The following GABBR2 variants were observed in gnomAD, a reference collection of about 807,000 sequenced individuals.
GABBR2 encodes G-protein coupled receptor 51.
In GABBR2, 23 loss-of-function variants were observed where a neutral mutation model predicts 105.6. The observed-to-expected ratio is 0.22, with a 90% CI of 0.16 to 0.31. The LOEUF is 0.31. Among genes scored for constraint, GABBR2 ranks in the 10% least tolerant of loss-of-function variants. GABBR2 has a pLI of 1.00. For synonymous variants in GABBR2, 478 were observed against 499.7 expected (o/e 0.96, Z 0.58); for missense variants, 734 against 1,245.5 (o/e 0.59, Z 6.18).
chr9:98,427,663 G>C (rs1277072921), intron 7 of GABBR2, among the ~76,000 whole-genome samples: 1 of 152,114 alleles, frequency 6.6e-6, no homozygotes, highest in Non-Finnish European at 1.5e-5. Flanking sequence ...TCCAAGAGTA[G>C]GTCATAAAAA....
At chr9:98,477,007 A>G (rs992437800) in intron 5 of GABBR2, among the ~76,000 whole-genome samples, 4 of 152,296 alleles carry the variant, frequency 2.6e-5, no homozygotes, top group East Asian at 1.9e-4. Flanking sequence ...ACTCCATTGC[A>G]GTATTCCTAT....
intron 13 of GABBR2, among the ~76,000 whole-genome samples, chr9:98,322,592 C>A (rs1588101056): frequency 1.5e-5 from 2 of 131,360 alleles, no homozygotes; most frequent in East Asian, 5.2e-4. Context: ...TCCCATCCCC[C>A]TCCATGATCT....
intron 1 of GABBR2, among the ~76,000 whole-genome samples, chr9:98,605,782 A>AT (rs540381641): frequency 2.0e-5 from 3 of 152,138 alleles, no homozygotes; most frequent in South Asian, 2.1e-4. Flanking sequence ...TCATGTGAGG[A>AT]TTTTTTTTAT....
chr9:98,581,051 G>A (rs528640347), intron 1 of GABBR2: 1 of 152,396 alleles, frequency 6.6e-6, no homozygotes, highest in South Asian at 2.1e-4. Flanking sequence ...GACTCAGTCC[G>A]ACATGGTTCC....
intron 1 of GABBR2, among the ~76,000 whole-genome samples, chr9:98,622,111 C>G (rs911540873): frequency 6.6e-6 from 1 of 152,192 alleles, no homozygotes; most frequent in African/African-American, 2.4e-5. Context: ...ACTCTTCCTT[C>G]ATCCCACCTG....
chr9:98,564,893 G>A (rs570806840), intron 2 of GABBR2, among the ~76,000 whole-genome samples: 11 of 152,228 alleles, frequency 7.2e-5, no homozygotes, highest in Admixed American at 6.5e-4. Flanking sequence ...GACCAGGGTT[G>A]GGGAAGACTA....
At chr9:98,485,255 G>A (rs1347949010) in intron 4 of GABBR2, among the ~76,000 whole-genome samples, 2 of 152,128 alleles carry the variant, frequency 1.3e-5, no homozygotes, top group East Asian at 3.8e-4. Context: ...TCACAAGAAA[G>A]GGGCAAAAGT....
intron 1 of GABBR2, among the ~76,000 whole-genome samples, chr9:98,608,946 T>C (rs1030684628): frequency 2.6e-5 from 4 of 152,212 alleles, no homozygotes; most frequent in African/African-American, 7.2e-5. Context: ...AGATCATTTC[T>C]AGGCAAAATT....
chr9:98,698,333 C>T (rs1409811398), intron 1 of GABBR2, among the ~76,000 whole-genome samples: 1 of 152,208 alleles, frequency 6.6e-6, no homozygotes, highest in Non-Finnish European at 1.5e-5. Flanking sequence ...AATGACACTT[C>T]ATCCTTCCAG....
chr9:98,625,692 G>T (rs1408142930), intron 1 of GABBR2, among the ~76,000 whole-genome samples: 2 of 152,152 alleles, frequency 1.3e-5, no homozygotes, highest in Middle Eastern at 3.2e-3. Context: ...GATGTCAGAG[G>T]TTCCCTCCGT....
intron 8 of GABBR2, among the ~76,000 whole-genome samples, chr9:98,403,957 G>A (rs1278178015): frequency 2.6e-5 from 4 of 151,822 alleles, no homozygotes; most frequent in East Asian, 1.9e-4. Context: ...TCTCGGGTGG[G>A]TCGACCCACA....
At chr9:98,293,052 A>G (rs577663872) in intron 18 of GABBR2, among the ~76,000 whole-genome samples, 5 of 152,310 alleles carry the variant, frequency 3.3e-5, no homozygotes, top group African/African-American at 1.2e-4. Flanking sequence ...TGATGCTGCA[A>G]TTGGTGATTT....
intron 13 of GABBR2, among the ~76,000 whole-genome samples, chr9:98,358,630 G>C (rs2131438168): frequency 6.6e-6 from 1 of 152,314 alleles, no homozygotes; most frequent in Admixed American, 6.5e-5. Context: ...TCCCTCACAG[G>C]GCCTGATGCA....
At chr9:98,572,970 G>A (rs745622256) in intron 2 of GABBR2, among the ~76,000 whole-genome samples, 85 of 152,200 alleles carry the variant, frequency 5.6e-4, no homozygotes, top group Non-Finnish European at 9.4e-4. Context: ...TCCCCCACAA[G>A]GAGCCTGGGA....
chr9:98,683,014 G>A (rs1228603864), intron 1 of GABBR2, among the ~76,000 whole-genome samples: 2 of 152,132 alleles, frequency 1.3e-5, no homozygotes, highest in South Asian at 2.1e-4. Context: ...CAGGTCCTGC[G>A]GTGGGCTCAG....
At chr9:98,439,912 CG>C (rs35245490) in intron 7 of GABBR2, among the ~76,000 whole-genome samples, 39,912 of 152,160 alleles carry the variant, frequency 0.26, 5,818 homozygotes, top group East Asian at 0.51. Flanking sequence ...AGGTAGGCCC[CG>C]TTGTTATCTA....
At position 98,343,453 on chromosome 9, in the gene GABBR2, G is replaced by A. The variant is rs138148324; in HGVS notation, c.1893+19262C>T. On this transcript the variant is annotated intron_variant, in intron 13 of 18. Coordinates refer to ENST00000259455, the MANE Select transcript of GABBR2 (RefSeq NM_005458.8). ...CAGGTGGAGGTGTAAATGGTGGCTT[G>A]CTATGAAAGGAAGGCTTGGGAAAAA... is the stretch of plus-strand genomic sequence containing the variant. Among the ~76,000 whole-genome samples, 236 of 152,272 alleles carry A rather than the reference G, an allele frequency of 1.5e-3. 3 individuals are homozygous for A. Among genetic ancestry groups the A allele is most frequent in the Non-Finnish European group, 1.7e-3 (117 of 68,014 alleles).
chr9:98,404,629 C>T (rs893439953), intron 8 of GABBR2, among the ~76,000 whole-genome samples: 5 of 152,058 alleles, frequency 3.3e-5, no homozygotes, highest in Admixed American at 1.3e-4. Context: ...CTAATCACCC[C>T]GCTAATGGCT....
chr9:98,471,060 A>C (rs149652107), intron 6 of GABBR2, among the ~76,000 whole-genome samples: 1 of 152,298 alleles, frequency 6.6e-6, no homozygotes, highest in African/African-American at 2.4e-5. Context: ...TTCCTTTGCT[A>C]CTGGAAGATC....
Sources: gnomAD v4.1 joint callset for allele counts (sites outside exome capture counted in the v4.1 genomes callset) on GRCh38, gnomAD v4.1.1 for gene constraint, MANE v1.5 for transcripts, NCBI Gene and HGNC (gene_info 2026-07-23, HGNC 2026-07-21) for gene names.